The following C4orf46 variants were observed in gnomAD, a reference collection of about 807,000 sequenced individuals.
The protein encoded by C4orf46 is chromosome 4 open reading frame 46.
In C4orf46, 8 loss-of-function variants were observed where a neutral mutation model predicts 9.1. The observed-to-expected ratio is 0.88, with a 90% CI of 0.52 to 1.59. The LOEUF (loss-of-function observed/expected upper bound fraction) is 1.59. Among genes scored for constraint, C4orf46 ranks in the 40% most tolerant of loss-of-function variants. The pLI is 0.00. For synonymous variants in C4orf46, 51 were observed against 58.8 expected (o/e 0.87, Z 0.61); for missense variants, 151 against 139.1 (o/e 1.09, Z -0.43).
upstream of C4orf46, chr4:158,671,890 C>A (rs1561232444): frequency 1.8e-6 from 2 of 1,119,392 alleles, no homozygotes; most frequent in South Asian, 3.5e-5. Context: ...GCCGAAAGGC[C>A]CCGCCTCCTA....
At position 158,669,180 on chromosome 4, in the gene C4orf46, T is replaced by C. The variant is rs1268778027; in HGVS notation, c.*433A>G. The C allele has an allele frequency of 6.5e-6, 1 of 153,492 alleles. No homozygotes were observed. The highest frequency in any genetic ancestry group is 1.4e-5 in the Non-Finnish European group (1 of 68,978). The allele number at this position is 153,492 out of a possible 1,614,324, so 9.5% of individuals were successfully genotyped here. A position where few individuals can be genotyped will look rare whatever the true frequency, so the allele number is the denominator to read the frequency against. ...GACACAATCATTAGCTGTAGACAACTTAGCCTAACGGAGCTGGATCCACCA... is the reference window on the plus strand; with the variant it reads ...GACACAATCATTAGCTGTAGACAACCTAGCCTAACGGAGCTGGATCCACCA... On this transcript the variant is annotated 3_prime_UTR_variant, in exon 2 of 2. Coordinates refer to ENST00000379205, the MANE Select transcript of C4orf46 (RefSeq NM_001008393.4).
In C4orf46 at chr4:158,670,832, A is replaced by G. The variant is rs559175085; in HGVS notation, c.186+784T>C. On this transcript the variant is annotated intron_variant, in intron 1 of 1. Transcript: ENST00000379205. ...ACAGAACTCTCCCAGGTTACACTCT[A>G]CATACCTCATTCCACTTGACCCACT... is the stretch of plus-strand genomic sequence containing the variant. Among the ~76,000 whole-genome samples, 227 of 152,242 alleles carry G rather than the reference A, an allele frequency of 1.5e-3. 4 individuals carry two copies. The highest frequency in any genetic ancestry group is 0.014 in the South Asian group (66 of 4,826).
Position 158,671,855 on chromosome 4 carries a change from T to C in C4orf46, c.-54A>G. ...CCCGAGAAGCCGAACCGACACCAAC[T>C]GTCTTTTAACCACTCGCGCCCAAAG... On this transcript the variant is annotated 5_prime_UTR_variant, in exon 1 of 2. Transcript: ENST00000379205. 7.1e-7 allele frequency: 1 copy of C among 1,404,728 alleles called. No individual in the cohort carries two copies. Among genetic ancestry groups the C allele is most frequent in the East Asian group, 2.7e-5 (1 of 37,006 alleles). 87.0% of individuals were successfully genotyped at this position (1,404,728 alleles called of 1,614,324 possible). A position where few individuals can be genotyped will look rare whatever the true frequency, so the allele number is the denominator to read the frequency against.
At position 158,669,480 on chromosome 4, in the gene C4orf46, C is replaced by G; in HGVS notation, c.*133G>C. The stretch of plus-strand genomic sequence containing the variant: ...CTGCTTTCACAAAAACCAAGAAAAC[C>G]AAGAAAAATTTCATTCTGAGTATAT... On this transcript the variant is annotated 3_prime_UTR_variant, in exon 2 of 2. Coordinates refer to ENST00000379205, the MANE Select transcript of C4orf46 (RefSeq NM_001008393.4). The G allele has an allele frequency of 1.2e-6, 1 of 848,626 alleles. No individual in the cohort carries two copies. The highest frequency in any genetic ancestry group is 1.7e-6 in the Non-Finnish European group (1 of 579,794). 52.6% of individuals were successfully genotyped at this position (848,626 alleles called of 1,614,324 possible).
At chr4:158,669,849 TTTGAATCCA>T in intron 1 of C4orf46, 81 bp from the exon 2 acceptor site, 1 of 1,180,802 alleles carries the variant, frequency 8.5e-7, no homozygotes. Flanking sequence ...AGCTTAAGGC[TTTGAATCCA>T]ATGCCCATGT....
In C4orf46 at chr4:158,671,821, G is replaced by C. The variant is rs761401253; in HGVS notation, c.-20C>G. On this transcript the variant is annotated 5_prime_UTR_variant, in exon 1 of 2. Transcript: ENST00000379205. ...GGCCATGGGGAAGGGTTGGGACCGC[G>C]GAATCCGACCCGAGAAGCCGAACCG... 52 of 1,475,838 alleles carry C rather than the reference G, an allele frequency of 3.5e-5. No homozygotes were observed. The highest frequency in any genetic ancestry group is 4.5e-5 in the Non-Finnish European group (50 of 1,107,334). 91.4% of individuals were successfully genotyped at this position (1,475,838 alleles called of 1,614,324 possible).
rs1773392912 is a variant in C4orf46 at position 158,666,983 on chromosome 4, A to G, written c.*2630T>C. On this transcript the variant is annotated 3_prime_UTR_variant, in exon 2 of 2. Coordinates refer to ENST00000379205, the MANE Select transcript of C4orf46 (RefSeq NM_001008393.4). Reference sequence around the variant, plus strand: ...TGGTATCAGGAAAGCATCTTTATCAAAGAAGTTTGTATGGCTTGCTACAGG... The same window carrying G: ...TGGTATCAGGAAAGCATCTTTATCAGAGAAGTTTGTATGGCTTGCTACAGG... 6.6e-6 allele frequency: 1 copy of G among 152,218 alleles called. No individual in the cohort carries two copies. The highest frequency in any genetic ancestry group is 2.1e-4 in the South Asian group (1 of 4,830). The allele number at this position is 152,218 out of a possible 1,614,324, so 9.4% of individuals were successfully genotyped here.
intron 1 of C4orf46, among the ~76,000 whole-genome samples, chr4:158,670,907 G>A (rs1364252529): frequency 6.6e-6 from 1 of 152,018 alleles, no homozygotes; most frequent in African/African-American, 2.4e-5. Context: ...CCAGTGGTGT[G>A]TGAGTTACGG....
At chr4:158,671,931 G>T, upstream of C4orf46, 1 of 727,716 alleles carries the variant, frequency 1.4e-6, no homozygotes, top group Non-Finnish European at 2.2e-6. Context: ...TCTCCTCGTG[G>T]GTCTCAGCCC....
At chr4:158,671,115 G>A (rs565560912) in intron 1 of C4orf46, among the ~76,000 whole-genome samples, 1 of 152,312 alleles carries the variant, frequency 6.6e-6, no homozygotes, top group South Asian at 2.1e-4. Context: ...GCTGTCCCTG[G>A]GCAGGTGGCC....
rs1429167633 is a variant in C4orf46 at position 158,671,801 on chromosome 4, TG to T, written c.-1del. ...ACCTGCAACTCCTCAGGGTCGGCCA[TG>T]GGGAAGGGTTGGGACCGCGGAATCC... is the stretch of plus-strand genomic sequence containing the variant. On this transcript the variant is annotated 5_prime_UTR_variant, in exon 1 of 2. Transcript: ENST00000379205. 8.5e-6 allele frequency: 13 copies of T among 1,534,538 alleles called. No homozygotes were observed. Among genetic ancestry groups the T allele is most frequent in the Non-Finnish European group, 1.8e-6 (2 of 1,138,392 alleles).
chr4:158,671,589 G>T, intron 1 of C4orf46, 27 bp downstream of exon 1: 1 of 1,458,532 alleles, frequency 6.9e-7, no homozygotes, highest in South Asian at 1.4e-5. Flanking sequence ...GCGCCGAGGG[G>T]GGACGCGGTC....
At position 158,671,874 on chromosome 4, in the gene C4orf46, C is replaced by A; in HGVS notation, c.-73G>T. The A allele has an allele frequency of 7.6e-7, 1 of 1,312,100 alleles. No individual in the cohort carries two copies. Among genetic ancestry groups the A allele is most frequent in the Non-Finnish European group, 1.0e-6 (1 of 985,782 alleles). 81.3% of individuals were successfully genotyped at this position (1,312,100 alleles called of 1,614,324 possible). On this transcript the variant is annotated 5_prime_UTR_variant, in exon 1 of 2. Coordinates refer to ENST00000379205, the MANE Select transcript of C4orf46 (RefSeq NM_001008393.4). ...ACCAACTGTCTTTTAACCACTCGCG[C>A]CCAAAGCCGAAAGGCCCCGCCTCCT...
upstream of C4orf46, chr4:158,671,911 TC>T: frequency 1.2e-6 from 1 of 861,922 alleles, no homozygotes; most frequent in Non-Finnish European, 1.7e-6. Flanking sequence ...ACGCCAGAAA[TC>T]CCGCCCAGTC....
rs1034419018 is a variant in C4orf46 at position 158,667,673 on chromosome 4, C to A, written c.*1940G>T. On this transcript the variant is annotated 3_prime_UTR_variant, in exon 2 of 2. Coordinates refer to ENST00000379205, the MANE Select transcript of C4orf46 (RefSeq NM_001008393.4). ...CTATGATCCTGCCACCACACTCCAG[C>A]CTGAGCAATAGAGTGAGATCTTGTC... The A allele has an allele frequency of 1.3e-5, 2 of 151,414 alleles. No individual in the cohort carries two copies. Among genetic ancestry groups the A allele is most frequent in the African/African-American group, 2.4e-5 (1 of 41,142 alleles). 9.4% of individuals were successfully genotyped at this position (151,414 alleles called of 1,614,324 possible). A position where few individuals can be genotyped will look rare whatever the true frequency, so the allele number is the denominator to read the frequency against.
At position 158,669,325 on chromosome 4, in the gene C4orf46, C is replaced by G. The variant is rs1312058684; in HGVS notation, c.*288G>C. The G allele has an allele frequency of 8.4e-6, 2 of 238,310 alleles. No individual in the cohort carries two copies. The highest frequency in any genetic ancestry group is 1.6e-5 in the Non-Finnish European group (2 of 123,736). 14.8% of individuals were successfully genotyped at this position (238,310 alleles called of 1,614,324 possible). Reference sequence around the variant, plus strand: ...TCTACCTAGTTTGCTACTGGTAGCACTGTGGCTCTATTAATATTAACCGTC... The same window carrying G: ...TCTACCTAGTTTGCTACTGGTAGCAGTGTGGCTCTATTAATATTAACCGTC... On this transcript the variant is annotated 3_prime_UTR_variant, in exon 2 of 2. Transcript: ENST00000379205.
chr4:158,670,028 T>TTTTTTTTTTTTTTTC (rs1554030228), intron 1 of C4orf46, among the ~76,000 whole-genome samples: 6 of 113,140 alleles, frequency 5.3e-5, no homozygotes, highest in Middle Eastern at 5.2e-3. Context: ...GTTTTCTTTT[T>TTTTTTTTTTTTTTTC]TTTTTTTTTT....
chr4:158,669,538 T>G lies in C4orf46; in HGVS notation c.*75A>C. On this transcript the variant is annotated 3_prime_UTR_variant, in exon 2 of 2. Coordinates refer to ENST00000379205, the MANE Select transcript of C4orf46 (RefSeq NM_001008393.4). ...TGCTGGACAGAGGTCATCCTATATG[T>G]GTGGTACATGTACAAAATATGACAT... 1.4e-6 allele frequency: 2 copies of G among 1,437,846 alleles called. No homozygotes were observed. The highest frequency in any genetic ancestry group is 4.6e-5 in the East Asian group (2 of 43,828). The allele number at this position is 1,437,846 out of a possible 1,614,324, so 89.1% of individuals were successfully genotyped here.
chr4:158,670,515 C>G (rs1286639133), intron 1 of C4orf46, among the ~76,000 whole-genome samples: 1 of 152,184 alleles, frequency 6.6e-6, no homozygotes, highest in Admixed American at 6.5e-5. Context: ...AACAGAAACT[C>G]TGAGCTCTGA....
Sources: gnomAD v4.1 joint callset for allele counts (sites outside exome capture counted in the v4.1 genomes callset) on GRCh38, gnomAD v4.1.1 for gene constraint, MANE v1.5 for transcripts, NCBI Gene and HGNC (gene_info 2026-07-23, HGNC 2026-07-21) for gene names.